The following CDKN2B-AS1 variants were observed in gnomAD, a reference collection of about 807,000 sequenced individuals.
The protein encoded by CDKN2B-AS1 is CDKN2B and CDKN2A antisense cis and trans regulatory RNA 1, also known as CDKN2B antisense RNA 1 (non-protein coding).
At chr9:22,122,778 A>G (rs1271587990) in intron 4 of CDKN2B-AS1, among the ~76,000 whole-genome samples, 1 of 152,156 alleles carries the variant, frequency 6.6e-6, no homozygotes, top group African/African-American at 2.4e-5. Flanking sequence ...TACCAGTACC[A>G]TGCTATTTTG....
intron 1 of CDKN2B-AS1, among the ~76,000 whole-genome samples, chr9:22,020,783 G>T (rs922240617): frequency 6.6e-6 from 1 of 152,170 alleles, no homozygotes; most frequent in Non-Finnish European, 1.5e-5. Flanking sequence ...TTAGACCTTT[G>T]TCAGATGCAT....
rs752985220 is a variant in CDKN2B-AS1 at position 22,006,202 on chromosome 9, G to A, written n.29+11041G>A. The A allele has an allele frequency of 6.2e-7, 1 of 1,608,682 alleles. No homozygotes were observed. The highest frequency in any genetic ancestry group is 8.5e-7 in the Non-Finnish European group (1 of 1,179,824). ...TCTGCGCAGTTGGGCTCCGCGCCGT[G>A]GAGCAGCAGCAGCTCCGCCACGCGG... is the stretch of plus-strand genomic sequence containing the variant. On this transcript the variant is annotated intron_variant and non_coding_transcript_variant, in intron 1 of 4. Coordinates refer to ENST00000650946, the Ensembl canonical transcript of CDKN2B-AS1. The surrounding 1 kb of genome is among the most constrained non-coding windows in gnomAD (Gnocchi z 6.4).
At chr9:22,126,111 T>A (rs1818013018) in intron 4 of CDKN2B-AS1, among the ~76,000 whole-genome samples, 1 of 152,198 alleles carries the variant, frequency 6.6e-6, no homozygotes, top group African/African-American at 2.4e-5. Context: ...GGAAGCCTTA[T>A]CAACAACATC....
At chr9:22,124,505 A>T (rs1333047) in intron 4 of CDKN2B-AS1, among the ~76,000 whole-genome samples, 95,312 of 152,098 alleles carry the variant, frequency 0.63, 32,184 homozygotes, top group African/African-American at 0.9. Flanking sequence ...AAGACAGAGT[A>T]GTTTCTCCTT....
chr9:22,068,539 T>A (rs1824156906), intron 4 of CDKN2B-AS1, among the ~76,000 whole-genome samples: 1 of 152,204 alleles, frequency 6.6e-6, no homozygotes, highest in East Asian at 1.9e-4. Flanking sequence ...ACAGAAGGAA[T>A]CTAAAAGGTG....
chr9:22,085,851 A>T (rs772225100), intron 4 of CDKN2B-AS1, among the ~76,000 whole-genome samples: 17 of 151,242 alleles, frequency 1.1e-4, no homozygotes, highest in Non-Finnish European at 2.5e-4. Flanking sequence ...CCAAATGTCT[A>T]TTTGTTGCCT....
At chr9:22,024,576 G>T (rs1378075475) in intron 1 of CDKN2B-AS1, among the ~76,000 whole-genome samples, 1 of 152,206 alleles carries the variant, frequency 6.6e-6, no homozygotes, top group Non-Finnish European at 1.5e-5. Context: ...TGTTCTCCAT[G>T]CAGCATTACC....
At chr9:22,016,106 C>G (rs1314573856) in intron 1 of CDKN2B-AS1, among the ~76,000 whole-genome samples, 2 of 152,064 alleles carry the variant, frequency 1.3e-5, no homozygotes, top group East Asian at 3.8e-4. Flanking sequence ...TTAATTAGAT[C>G]CCATTTGTCA....
rs1474031174 is a variant in CDKN2B-AS1 at position 22,001,438 on chromosome 9, T to C, written n.29+6277T>C. Among the ~76,000 whole-genome samples the C allele has an allele frequency of 6.6e-6, 1 of 152,126 alleles. No homozygotes were observed. Among genetic ancestry groups the C allele is most frequent in the African/African-American group, 2.4e-5 (1 of 41,458 alleles). ...TCAGTGTGTCATCTTAATACATTGT[T>C]CTTAGTTCTTTTTCCAGCAAACTCT... On this transcript the variant is annotated intron_variant and non_coding_transcript_variant, in intron 1 of 4. Coordinates refer to ENST00000650946, the Ensembl canonical transcript of CDKN2B-AS1. The surrounding 1 kb of genome is among the most constrained non-coding windows in gnomAD (Gnocchi z 4.2).
At chr9:22,012,307 G>C in intron 1 of CDKN2B-AS1, 1 of 1,462,774 alleles carries the variant, frequency 6.8e-7, no homozygotes, top group Non-Finnish European at 9.5e-7. Context: ...AACAGCTGGA[G>C]GATGGCCGCA....
intron 4 of CDKN2B-AS1, among the ~76,000 whole-genome samples, chr9:22,070,153 T>C (rs1005358540): frequency 3.3e-5 from 5 of 151,818 alleles, no homozygotes; most frequent in Non-Finnish European, 4.4e-5. Context: ...GTGGTTGGAG[T>C]GGAGTTGACA....
chr9:22,110,357 A>G (rs1264207253), intron 4 of CDKN2B-AS1, among the ~76,000 whole-genome samples: 1 of 152,160 alleles, frequency 6.6e-6, no homozygotes, highest in Non-Finnish European at 1.5e-5. Flanking sequence ...TTGGATGAGT[A>G]AAGTTTGAAA....
At chr9:22,111,824 T>C (rs1250708640) in intron 4 of CDKN2B-AS1, among the ~76,000 whole-genome samples, 3 of 152,174 alleles carry the variant, frequency 2.0e-5, no homozygotes, top group East Asian at 1.9e-4. Flanking sequence ...ATAATCAAGA[T>C]AGCATTAAAA....
rs1825786122 is a variant in CDKN2B-AS1, at chr9:22,110,770, C to T, written n.439-16333C>T. On this transcript the variant is annotated intron_variant and non_coding_transcript_variant, in intron 4 of 4. Transcript: ENST00000650946. ...TGTCTTTAGATGCCCTGTATTTCCT[C>T]CCCAATCTCATCCCGCTCCTACTCT... Among the ~76,000 whole-genome samples the T allele has an allele frequency of 2.6e-5, 4 of 152,236 alleles. No individual in the cohort carries two copies. The South Asian group carries it at 8.3e-4, about 32-fold the overall frequency.
intron 4 of CDKN2B-AS1, among the ~76,000 whole-genome samples, chr9:22,115,953 T>C (rs1323369348): frequency 1.3e-5 from 2 of 152,168 alleles, no homozygotes; most frequent in East Asian, 3.8e-4. Flanking sequence ...CCTGTTCGGA[T>C]CCCTTCAGCT....
chr9:22,038,131 G>A lies in CDKN2B-AS1; in HGVS notation n.30-8620G>A, dbSNP rs117493950. ...GCTTAAAGATACAAAACTGAAGGAA[G>A]CACTTTTGGGAGAAAATACTTTTAT... On this transcript the variant is annotated intron_variant and non_coding_transcript_variant, in intron 1 of 4. Transcript: ENST00000650946. 3.2e-4 allele frequency among the ~76,000 whole-genome samples: 49 copies of A among 151,970 alleles called. No homozygotes were observed. The East Asian group carries it at 3.3e-3, about 10-fold the overall frequency.
At chr9:22,106,581 G>A (rs1587540354) in intron 4 of CDKN2B-AS1, among the ~76,000 whole-genome samples, 1 of 152,100 alleles carries the variant, frequency 6.6e-6, no homozygotes, top group East Asian at 1.9e-4. Context: ...GTACTAATTT[G>A]GAGAGTTGTT....
At chr9:21,994,986 A>T (rs1217558157), upstream of CDKN2B-AS1, 2 of 152,282 alleles carry the variant, frequency 1.3e-5, no homozygotes, top group African/African-American at 4.8e-5. Context: ...TCATTGCTCT[A>T]TCCGCCAATC....
At chr9:22,008,736 C>A (rs768633034) in intron 1 of CDKN2B-AS1, 1 of 1,610,670 alleles carries the variant, frequency 6.2e-7, no homozygotes, top group East Asian at 2.2e-5. Flanking sequence ...AGCCCCGATC[C>A]GCCGAGGCCG....
Sources: allele counts gnomAD v4.1 joint callset (sites outside exome capture counted in the v4.1 genomes callset), GRCh38; gene constraint gnomAD v4.1.1; non-coding constraint Gnocchi (gnomAD v3.1); transcripts MANE v1.5; gene names NCBI Gene and HGNC (gene_info 2026-07-23, HGNC 2026-07-21).